HSPBAP1: variants seen among roughly 807,000 people sequenced by gnomAD.
HSPBAP1 encodes the protein HSPB1 associated protein 1.
A neutral mutation model predicts 45.2 loss-of-function variants in HSPBAP1; 27 were observed. The ratio of observed to expected loss-of-function variants is 0.60; its 90% CI spans 0.44 to 0.82. HSPBAP1 has a LOEUF of 0.82. Ranked by LOEUF, HSPBAP1 falls within the 40% of genes least tolerant of loss-of-function variation. The pLI is 0.00. For missense variants in HSPBAP1, 510 were observed against 590.9 expected (o/e 0.86, Z 1.42); for synonymous variants, 204 against 202.7 (o/e 1.01, Z -0.06).
At chr3:122,790,361 C>T (rs1283134309) in intron 1 of HSPBAP1, among the ~76,000 whole-genome samples, 1 of 152,190 alleles carries the variant, frequency 6.6e-6, no homozygotes, top group Non-Finnish European at 1.5e-5. Flanking sequence ...ATTATTTCTA[C>T]TTTAGTAGAA....
intron 6 of HSPBAP1, among the ~76,000 whole-genome samples, chr3:122,748,498 A>G (rs924166737): frequency 5.3e-5 from 8 of 152,228 alleles, no homozygotes; most frequent in African/African-American, 1.9e-4. Context: ...ATTCTAACAC[A>G]AAACATTGGT....
Position 122,780,162 on chromosome 3 carries a change from C to T in HSPBAP1, c.65-2256G>A, listed in dbSNP as rs1408806115. The stretch of plus-strand genomic sequence containing the variant: ...CTGACCCCCCCACCTCCCTCCTGGA[C>T]GGGGCGGCTGGCCGGGCGGGGGGCT... On this transcript the variant is annotated intron_variant, in intron 1 of 7. Transcript: ENST00000306103. Among the ~76,000 whole-genome samples, 4 of 105,046 alleles carry T rather than the reference C, an allele frequency of 3.8e-5. 1 individual carries two copies. The highest frequency in any genetic ancestry group is 6.5e-5 in the African/African-American group (2 of 30,594). 68.9% of individuals were successfully genotyped at this position (105,046 alleles called of 152,430 possible). A position where few individuals can be genotyped will look rare whatever the true frequency, so the allele number is the denominator to read the frequency against.
chr3:122,783,869 C>T lies in HSPBAP1; in HGVS notation c.65-5963G>A, dbSNP rs868463489. ...TTTTTGAGACGGAGTCTCGCTCTGT[C>T]GCCCAGGCTGGAGTGCAGTGGCGGG... is the stretch of plus-strand genomic sequence containing the variant. On this transcript the variant is annotated intron_variant, in intron 1 of 7. Transcript: ENST00000306103. Among the ~76,000 whole-genome samples, 373 of 151,136 alleles carry T rather than the reference C, an allele frequency of 2.5e-3. 1 individual carries two copies. Among genetic ancestry groups the T allele is most frequent in the African/African-American group, 8.5e-3 (349 of 41,088 alleles).
chr3:122,776,782 G>A (rs954183609), intron 2 of HSPBAP1, among the ~76,000 whole-genome samples: 1 of 152,204 alleles, frequency 6.6e-6, no homozygotes, highest in African/African-American at 2.4e-5. Flanking sequence ...ACCTGTCACA[G>A]GAGTACAAAG....
intron 6 of HSPBAP1, among the ~76,000 whole-genome samples, chr3:122,748,765 A>G (rs1005518289): frequency 6.6e-6 from 1 of 152,234 alleles, no homozygotes; most frequent in African/African-American, 2.4e-5. Flanking sequence ...CACTTCAACA[A>G]ATATAAAACA....
At chr3:122,748,003 A>G (rs1032473263) in intron 6 of HSPBAP1, among the ~76,000 whole-genome samples, 5 of 152,220 alleles carry the variant, frequency 3.3e-5, no homozygotes, top group South Asian at 2.1e-4. Context: ...AGAAAGAAGT[A>G]GACATGGGAA....
chr3:122,746,810 G>C (rs951708069), intron 6 of HSPBAP1, among the ~76,000 whole-genome samples: 1 of 152,170 alleles, frequency 6.6e-6, no homozygotes, highest in Non-Finnish European at 1.5e-5. Context: ...GCGCCGCCAC[G>C]CCTGGCTGGT....
rs376716637 is a variant in HSPBAP1 at position 122,779,135 on chromosome 3, C to T, written c.65-1229G>A. On this transcript the variant is annotated intron_variant, in intron 1 of 7. Coordinates refer to ENST00000306103, the MANE Select transcript of HSPBAP1 (RefSeq NM_024610.6). ...TCGGCTCACTGCAACCTCCACCTCCCGGGTTCAAGCAATTCTCTGCCTCAG... is the reference window on the plus strand; with the variant it reads ...TCGGCTCACTGCAACCTCCACCTCCTGGGTTCAAGCAATTCTCTGCCTCAG... Among the ~76,000 whole-genome samples the T allele has an allele frequency of 3.3e-5, 5 of 151,948 alleles. No homozygotes were observed. The South Asian group carries it at 8.3e-4, about 25-fold the overall frequency.
At chr3:122,752,871 CAT>C in intron 5 of HSPBAP1, 197 bp from the exon 6 acceptor site, 1 of 1,342,536 alleles carries the variant, frequency 7.4e-7, no homozygotes, top group Non-Finnish European at 9.5e-7. Context: ...GACAAGTTCA[CAT>C]GTTCTACAAA....
chr3:122,767,237 C>A (rs557271611), intron 3 of HSPBAP1, among the ~76,000 whole-genome samples: 1 of 152,274 alleles, frequency 6.6e-6, no homozygotes, highest in South Asian at 2.1e-4. Context: ...AAAATACATT[C>A]TCAACTAACA....
chr3:122,780,669 C>T (rs1240345419), intron 1 of HSPBAP1, among the ~76,000 whole-genome samples: 1 of 151,136 alleles, frequency 6.6e-6, no homozygotes. Flanking sequence ...CCCCCACCTC[C>T]CTCCCGGACG....
chr3:122,762,478 C>T lies in HSPBAP1; in HGVS notation c.433-3118G>A, dbSNP rs527875718. Among the ~76,000 whole-genome samples, 3 of 152,232 alleles carry T rather than the reference C, an allele frequency of 2.0e-5. No homozygotes were observed. In the East Asian group the frequency reaches 5.8e-4, roughly 29 times the overall value. ...TAATGCACTGTCAGACGGCACTTTT[C>T]TTTTTAAGCAACTAAATTATACCAA... is the stretch of plus-strand genomic sequence containing the variant. On this transcript the variant is annotated intron_variant, in intron 3 of 7. Transcript: ENST00000306103.
chr3:122,772,942 G>T (rs997377064), intron 2 of HSPBAP1, among the ~76,000 whole-genome samples: 8 of 151,810 alleles, frequency 5.3e-5, no homozygotes, highest in African/African-American at 1.9e-4. Context: ...TTGAACTGCT[G>T]GGCTTAAGCA....
intron 1 of HSPBAP1, among the ~76,000 whole-genome samples, chr3:122,782,043 G>C (rs902314229): frequency 6.6e-6 from 1 of 152,098 alleles, no homozygotes; most frequent in Non-Finnish European, 1.5e-5. Flanking sequence ...TGAAACTTTA[G>C]TGTTAAAAAA....
chr3:122,770,305 T>C (rs533182292), intron 2 of HSPBAP1, among the ~76,000 whole-genome samples: 2 of 152,352 alleles, frequency 1.3e-5, no homozygotes, highest in Admixed American at 6.5e-5. Flanking sequence ...ATCTAAAAGA[T>C]TAAAATGTAC....
At chr3:122,746,705 CGAAGCT>C (rs1312522395) in intron 6 of HSPBAP1, among the ~76,000 whole-genome samples, 2 of 151,802 alleles carry the variant, frequency 1.3e-5, no homozygotes, top group Admixed American at 1.3e-4. Flanking sequence ...GATGCCGAGC[CGAAGCT>C]GGACTGTACT....
chr3:122,782,411 TC>T (rs1935515413), intron 1 of HSPBAP1, among the ~76,000 whole-genome samples: 3 of 152,168 alleles, frequency 2.0e-5, no homozygotes, highest in African/African-American at 7.2e-5. Flanking sequence ...TTTCACAGAA[TC>T]ATAAAATATT....
chr3:122,775,759 AC>A (rs1458858805), intron 2 of HSPBAP1, among the ~76,000 whole-genome samples: 1 of 152,228 alleles, frequency 6.6e-6, no homozygotes, highest in Non-Finnish European at 1.5e-5. Flanking sequence ...TTACTGTATG[AC>A]CCAGCAATTC....
intron 3 of HSPBAP1, among the ~76,000 whole-genome samples, chr3:122,761,035 A>C (rs569178134): frequency 6.6e-6 from 1 of 152,310 alleles, no homozygotes; most frequent in Non-Finnish European, 1.5e-5. Flanking sequence ...GGAATGCTTT[A>C]AGATCACAGC....
Sources: gnomAD v4.1 joint callset for allele counts (sites outside exome capture counted in the v4.1 genomes callset) on GRCh38, gnomAD v4.1.1 for gene constraint, MANE v1.5 for transcripts, NCBI Gene and HGNC (gene_info 2026-07-23, HGNC 2026-07-21) for gene names.